CYB5B: variants seen among roughly 807,000 people sequenced by gnomAD.
The protein encoded by CYB5B is cytochrome b5 type B, also known as cytochrome b5 type B (outer mitochondrial membrane).
Under a neutral mutation model 21.3 loss-of-function variants are expected in CYB5B, and 14 were observed. That is an observed-to-expected ratio of 0.66 (90% CI 0.43 to 1.03). The LOEUF is 1.03. Among genes scored for constraint, CYB5B ranks in the 50% least tolerant of loss-of-function variants. The pLI is 0.00. For synonymous variants in CYB5B, 69 were observed against 68.4 expected (o/e 1.01, Z -0.04); for missense variants, 166 against 185.1 (o/e 0.90, Z 0.60).
chr16:69,462,655 A>G lies in CYB5B; in HGVS notation c.*135A>G, dbSNP rs760239341. ...CCCCTTGGAGCCAAGACGATTGGCC[A>G]GACATCACCTCAGATCTGAGACCAG... On this transcript the variant is annotated 3_prime_UTR_variant, in exon 5 of 5. Coordinates refer to ENST00000307892, the MANE Select transcript of CYB5B (RefSeq NM_030579.3). 6 of 704,434 alleles carry G rather than the reference A, an allele frequency of 8.5e-6. No homozygotes were observed. The highest frequency in any genetic ancestry group is 1.3e-5 in the Non-Finnish European group (5 of 399,626). 43.6% of individuals were successfully genotyped at this position (704,434 alleles called of 1,614,324 possible). A position where few individuals can be genotyped will look rare whatever the true frequency, so the allele number is the denominator to read the frequency against.
intron 4 of CYB5B, among the ~76,000 whole-genome samples, chr16:69,459,972 C>T (rs117063437): frequency 0.021 from 3,195 of 152,106 alleles, 39 homozygotes; most frequent in Non-Finnish European, 0.035. Context: ...TATGCAGGGC[C>T]GGGCGCGGTG....
chr16:69,459,257 A>T, intron 4 of CYB5B, 136 bp downstream of exon 4: 1 of 1,130,224 alleles, frequency 8.8e-7, no homozygotes, highest in Non-Finnish European at 1.2e-6. Context: ...ATCATTGCAA[A>T]TTCAGTTGTT....
chr16:69,449,944 AGT>A (rs892905159), intron 3 of CYB5B: 1 of 152,288 alleles, frequency 6.6e-6, no homozygotes, highest in Admixed American at 6.5e-5. Flanking sequence ...ATCCAGGTGC[AGT>A]GGCTCACGCC....
chr16:69,453,431 C>T (rs2014954845), intron 3 of CYB5B, among the ~76,000 whole-genome samples: 1 of 152,072 alleles, frequency 6.6e-6, no homozygotes, highest in Admixed American at 6.5e-5. Context: ...ATATCCCTAC[C>T]ATACCTACTA....
At chr16:69,437,447 CTAGTAGATTTGAA>C (rs2014772020) in intron 1 of CYB5B, among the ~76,000 whole-genome samples, 2 of 152,080 alleles carry the variant, frequency 1.3e-5, no homozygotes, top group Non-Finnish European at 2.9e-5. Flanking sequence ...TTTTGAGTGT[CTAGTAGATTTGAA>C]TAGTACAGAC....
chr16:69,430,994 G>GTATT (rs927822244), intron 1 of CYB5B, among the ~76,000 whole-genome samples: 14 of 143,582 alleles, frequency 9.8e-5, no homozygotes, highest in Middle Eastern at 4.6e-3. Flanking sequence ...CTTTATATGT[G>GTATT]TATTTATTTA....
intron 3 of CYB5B, among the ~76,000 whole-genome samples, chr16:69,452,007 T>G (rs1034574103): frequency 2.0e-5 from 3 of 151,160 alleles, no homozygotes; most frequent in Admixed American, 6.6e-5. Flanking sequence ...TCCCCTTCCC[T>G]GGAGGTAACC....
chr16:69,447,949 C>T (rs767159965), intron 2 of CYB5B, among the ~76,000 whole-genome samples, 166 bp from the exon 3 acceptor site: 1 of 151,410 alleles, frequency 6.6e-6, no homozygotes, highest in Non-Finnish European at 1.5e-5. Context: ...TAACAAGGGA[C>T]TCTGATATGC....
chr16:69,441,355 C>T (rs991085354), intron 1 of CYB5B, among the ~76,000 whole-genome samples: 1 of 152,016 alleles, frequency 6.6e-6, no homozygotes, highest in Non-Finnish European at 1.5e-5. Flanking sequence ...AGGGTTTCAC[C>T]ATGTTGGCCA....
chr16:69,452,600 G>A (rs1268016378), intron 3 of CYB5B, among the ~76,000 whole-genome samples: 2 of 152,134 alleles, frequency 1.3e-5, no homozygotes, highest in Non-Finnish European at 2.9e-5. Flanking sequence ...AACCTGGGAG[G>A]CACAGGTTGC....
intron 1 of CYB5B, among the ~76,000 whole-genome samples, chr16:69,437,635 T>G (rs1207724970): frequency 1.3e-5 from 2 of 152,206 alleles, no homozygotes; most frequent in Non-Finnish European, 2.9e-5. Flanking sequence ...ATTTGCCATT[T>G]TAACCATTTT....
chr16:69,431,456 G>A (rs1304228572), intron 1 of CYB5B, among the ~76,000 whole-genome samples: 1 of 152,092 alleles, frequency 6.6e-6, no homozygotes, highest in Admixed American at 6.5e-5. Context: ...CAGCCTGGGC[G>A]ACAGAGTGAG....
intron 1 of CYB5B, among the ~76,000 whole-genome samples, chr16:69,426,117 C>T (rs578113160): frequency 3.9e-5 from 6 of 152,040 alleles, no homozygotes; most frequent in Admixed American, 1.3e-4. Context: ...AAGTGCTTTC[C>T]GGTCGGGCGC....
chr16:69,426,883 T>C (rs1287305762), intron 1 of CYB5B, among the ~76,000 whole-genome samples: 1 of 152,198 alleles, frequency 6.6e-6, no homozygotes, highest in African/African-American at 2.4e-5. Flanking sequence ...GCCTTAGCTA[T>C]GACTTCTGGT....
chr16:69,450,452 TA>T, intron 3 of CYB5B, among the ~76,000 whole-genome samples: 1 of 152,206 alleles, frequency 6.6e-6, no homozygotes, highest in Non-Finnish European at 1.5e-5. Context: ...AGAGTCTGGC[TA>T]TTGTGTTTCT....
Position 69,462,297 on chromosome 16 carries a change from G to T in CYB5B, c.363-133G>T, listed in dbSNP as rs1597288780. 1.1e-5 allele frequency: 7 copies of T among 664,724 alleles called. No individual in the cohort carries two copies. In the South Asian group the frequency reaches 1.1e-4, roughly 11 times the overall value. 41.2% of individuals were successfully genotyped at this position (664,724 alleles called of 1,614,324 possible). On this transcript the variant is annotated intron_variant, in intron 4 of 4. Transcript: ENST00000307892. ...TCAAATATTTTTCCCCAACTACTTT[G>T]TGATAAAAGCAGTTAAATTTCCCAA...
At chr16:69,450,094 C>G (rs1447973738) in intron 3 of CYB5B, 2 of 151,946 alleles carry the variant, frequency 1.3e-5, no homozygotes, top group African/African-American at 4.8e-5. Context: ...ATAATGTGTG[C>G]CTGCAGTCCC....
intron 3 of CYB5B, among the ~76,000 whole-genome samples, chr16:69,455,406 T>C (rs2014973941): frequency 6.7e-6 from 1 of 149,990 alleles, no homozygotes; most frequent in African/African-American, 2.4e-5. Flanking sequence ...TTCTCTTTTT[T>C]TTTTTTTTTT....
At chr16:69,449,795 CA>C (rs1175913358) in intron 3 of CYB5B, 1 of 152,120 alleles carries the variant, frequency 6.6e-6, no homozygotes, top group African/African-American at 2.4e-5. Context: ...TAGCTAAGCC[CA>C]AACTTTTTGC....
Sources: gnomAD v4.1 joint callset for allele counts (sites outside exome capture counted in the v4.1 genomes callset) on GRCh38, gnomAD v4.1.1 for gene constraint, MANE v1.5 for transcripts, NCBI Gene and HGNC (gene_info 2026-07-23, HGNC 2026-07-21) for gene names.